The following BLM variants were observed in gnomAD, a reference collection of about 807,000 sequenced individuals.
BLM encodes BLM RecQ like helicase.
In BLM, 95 loss-of-function variants were observed where a neutral mutation model predicts 135.3. The ratio of observed to expected loss-of-function variants is 0.70; its 90% CI spans 0.59 to 0.83. The LOEUF is 0.83. Ranked by LOEUF, BLM falls within the 40% of genes least tolerant of loss-of-function variation. BLM has a pLI of 0.00. For missense variants in BLM, 1,518 were observed against 1,663.9 expected (o/e 0.91, Z 1.53); for synonymous variants, 520 against 589.2 (o/e 0.88, Z 1.70).
intron 12 of BLM, among the ~76,000 whole-genome samples, chr15:90,777,402 C>T (rs1412309366): frequency 6.6e-6 from 1 of 152,194 alleles, no homozygotes; most frequent in African/African-American, 2.4e-5. Context: ...ATCTGCCCGC[C>T]TCGGCCTCTG....
intron 1 of BLM, among the ~76,000 whole-genome samples, chr15:90,722,360 C>T (rs538050512): frequency 4.5e-4 from 69 of 152,238 alleles, no homozygotes; most frequent in African/African-American, 1.6e-3. Flanking sequence ...CCACCCACCT[C>T]GGCCTCCCAA....
At position 90,804,193 on chromosome 15, in the gene BLM, C is replaced by T. The variant is rs1023322113; in HGVS notation, c.3585C>T (p.Ser1195=). 5 of 1,613,908 alleles carry T rather than the reference C, an allele frequency of 3.1e-6. No homozygotes were observed. Among genetic ancestry groups the T allele is most frequent in the Non-Finnish European group, 4.2e-6 (5 of 1,179,942 alleles). The change falls in exon 19 of 22, where the codon TCC becomes TCT. Residue 1195 remains serine (S), a synonymous_variant. Coordinates refer to ENST00000355112, the MANE Select transcript of BLM (RefSeq NM_000057.4). ...LKVDFMETEN[S]SSVKKQKALV... ...TAGACTTTATGGAAACAGAAAATTC[C>T]AGCAGTGTGAAAAAACAAAAAGCGT... is the stretch of plus-strand genomic sequence containing the variant.
At chr15:90,719,376 C>T (rs868080438) in intron 1 of BLM, among the ~76,000 whole-genome samples, 202 of 152,086 alleles carry the variant, frequency 1.3e-3, no homozygotes, top group African/African-American at 4.6e-3. Flanking sequence ...ATGAGGCGGG[C>T]GAATCACCTG....
chr15:90,779,904 C>T (rs1382118843), intron 12 of BLM, among the ~76,000 whole-genome samples: 7 of 152,108 alleles, frequency 4.6e-5, no homozygotes, highest in Admixed American at 4.6e-4. Context: ...AAAATTTCAC[C>T]TACACTCATA....
chr15:90,765,870 T>G (rs1281041335), intron 9 of BLM, among the ~76,000 whole-genome samples: 2 of 152,190 alleles, frequency 1.3e-5, no homozygotes, highest in African/African-American at 4.8e-5. Flanking sequence ...CCCAGTGACT[T>G]GGAAGGCAAA....
In BLM at chr15:90,760,943, G is replaced by T; in HGVS notation, c.1570G>T (p.Val524Phe). The T allele has an allele frequency of 6.2e-7, 1 of 1,614,044 alleles. No homozygotes were observed. Among genetic ancestry groups the T allele is most frequent in the Non-Finnish European group, 8.5e-7 (1 of 1,180,022 alleles). The stretch of plus-strand genomic sequence containing the variant: ...TGAAAGCTCTTATTTCCCAGGAAAT[G>T]TTCTCACAAGCACTGCTGTGAAAGA... ...KNESSYFPGN[V>F]LTSTAVKDQN... The change falls in exon 7 of 22, where the codon GTT (valine) becomes TTT (phenylalanine). Residue 524 changes from valine to phenylalanine, a missense_variant. Transcript: ENST00000355112.
intron 15 of BLM, 38 bp from the exon 16 acceptor site, chr15:90,794,129 C>T (rs894131606): frequency 1.4e-6 from 2 of 1,473,156 alleles, no homozygotes; most frequent in African/African-American, 1.4e-5. Flanking sequence ...TATTTTTCCC[C>T]TATAAGTATG....
In BLM at chr15:90,749,800, G is replaced by T; in HGVS notation, c.532G>T (p.Val178Leu). ...TGTTACACCACCCCAAAGTCACTTT[G>T]TAAGAGTAAGCACTGCTCAGAAATC... ...SFVTPPQSHF[V>L]RVSTAQKSKK... The change falls in exon 3 of 22, where the codon GTA (valine) becomes TTA (leucine). Residue 178 changes from valine to leucine, a missense_variant. Physicochemically the swap from Val to Leu is conservative, Grantham distance 32. Coordinates refer to ENST00000355112, the MANE Select transcript of BLM (RefSeq NM_000057.4). The T allele has an allele frequency of 6.2e-7, 1 of 1,610,104 alleles. No individual in the cohort carries two copies. The highest frequency in any genetic ancestry group is 2.2e-5 in the East Asian group (1 of 44,866).
intron 1 of BLM, among the ~76,000 whole-genome samples, chr15:90,738,409 A>C (rs1323655076): frequency 6.6e-6 from 1 of 152,156 alleles, no homozygotes; most frequent in African/African-American, 2.4e-5. Flanking sequence ...CCCTGGCTCT[A>C]CAAAAAATTT....
At chr15:90,760,447 C>A in intron 6 of BLM, 147 bp from the exon 7 acceptor site, 1 of 1,212,034 alleles carries the variant, frequency 8.3e-7, no homozygotes, top group Non-Finnish European at 1.2e-6. Context: ...ACTCCTTTAA[C>A]ATTCGTATTC....
chr15:90,795,828 C>T (rs1194994716), intron 16 of BLM, among the ~76,000 whole-genome samples: 1 of 152,160 alleles, frequency 6.6e-6, no homozygotes, highest in Non-Finnish European at 1.5e-5. Flanking sequence ...AGTAAAAAGA[C>T]AGGAGGAATG....
At position 90,775,492 on chromosome 15, in the gene BLM, T is replaced by G. The variant is rs191273943; in HGVS notation, c.2555+5906T>G. Among the ~76,000 whole-genome samples, 720 of 146,676 alleles carry G rather than the reference T, an allele frequency of 4.9e-3. 5 individuals carry two copies. The highest frequency in any genetic ancestry group is 0.018 in the African/African-American group (685 of 38,450). On this transcript the variant is annotated intron_variant, in intron 12 of 21. Transcript: ENST00000355112. Reference sequence around the variant, plus strand: ...TATGTATTTTATATATATGTGTGTTTTTATTTTTTATATATATATGTGTGT... The same window carrying G: ...TATGTATTTTATATATATGTGTGTTGTTATTTTTTATATATATATGTGTGT...
At chr15:90,762,335 A>G (rs1242698280) in intron 7 of BLM, 1 of 152,754 alleles carries the variant, frequency 6.5e-6, no homozygotes, top group African/African-American at 2.4e-5. Flanking sequence ...CTGTGACACC[A>G]GTAACACAAA....
At chr15:90,786,550 T>A (rs1294534176) in intron 14 of BLM, among the ~76,000 whole-genome samples, 2 of 152,220 alleles carry the variant, frequency 1.3e-5, no homozygotes, top group African/African-American at 4.8e-5. Context: ...CCAGCTTTTT[T>A]AATGTATTCA....
In BLM at chr15:90,741,369, T is replaced by A. The variant is rs138069450; in HGVS notation, c.-4-6020T>A. Among the ~76,000 whole-genome samples the A allele has an allele frequency of 1.1e-3, 162 of 152,352 alleles. 2 individuals are homozygous for A. Among genetic ancestry groups the A allele is most frequent in the African/African-American group, 3.8e-3 (156 of 41,588 alleles). ...ACACTGATATATTTGGGTGTGGATT[T>A]CTTTTTATCTCTGCTTGGAATTTTT... On this transcript the variant is annotated intron_variant, in intron 1 of 21. Coordinates refer to ENST00000355112, the MANE Select transcript of BLM (RefSeq NM_000057.4).
chr15:90,813,144 G>A (rs185569339), intron 21 of BLM, among the ~76,000 whole-genome samples: 84 of 152,290 alleles, frequency 5.5e-4, no homozygotes, highest in Admixed American at 1.2e-3. Flanking sequence ...CCCAGAGCAC[G>A]TTCACTTCTG....
intron 6 of BLM, 97 bp downstream of exon 6, chr15:90,760,376 G>C: frequency 1.3e-6 from 2 of 1,513,110 alleles, no homozygotes; most frequent in South Asian, 2.3e-5. Context: ...TTTCTGGCCT[G>C]GAAATGGCAT....
chr15:90,761,711 G>T (rs924613326), intron 7 of BLM, among the ~76,000 whole-genome samples: 13 of 152,188 alleles, frequency 8.5e-5, no homozygotes, highest in Non-Finnish European at 1.9e-4. Flanking sequence ...GTCTATAAAG[G>T]ATATGAAGTC....
In BLM at chr15:90,799,975, G is replaced by T. The variant is rs944648716; in HGVS notation, c.3358+1638G>T. 8.5e-5 allele frequency among the ~76,000 whole-genome samples: 13 copies of T among 152,158 alleles called. 1 individual carries two copies. The highest frequency in any genetic ancestry group is 6.5e-4 in the Admixed American group (10 of 15,268). ...TAGGAGACCAGATGGGAGATACAAAGTTTTTATGACAATGTCTGTTTAAGT... is the reference window on the plus strand; with the variant it reads ...TAGGAGACCAGATGGGAGATACAAATTTTTTATGACAATGTCTGTTTAAGT... On this transcript the variant is annotated intron_variant, in intron 17 of 21. Coordinates refer to ENST00000355112, the MANE Select transcript of BLM (RefSeq NM_000057.4).
Sources: allele counts gnomAD v4.1 joint callset (sites outside exome capture counted in the v4.1 genomes callset), GRCh38; gene constraint gnomAD v4.1.1; transcripts MANE v1.5; gene names NCBI Gene and HGNC (gene_info 2026-07-23, HGNC 2026-07-21).